Variants in GPER1 observed in about 807,000 individuals in gnomAD.
GPER1 encodes the protein G protein-coupled estrogen receptor 1, also known as G protein-coupled receptor 30.
A neutral mutation model predicts 0.6 loss-of-function variants in GPER1; 2 were observed. That is an observed-to-expected ratio of 3.41 (90% CI 1.39 to 10.72). The LOEUF (loss-of-function observed/expected upper bound fraction) is 10.72. Among genes scored for constraint, GPER1 ranks in the 30% most tolerant of loss-of-function variants. The pLI, the probability that GPER1 is intolerant of heterozygous loss-of-function variation, is 0.04. For missense variants in GPER1, 441 were observed against 535.2 expected, an observed-to-expected ratio of 0.82 and a Z score of 1.74; for synonymous variants, 263 against 247.6, an observed-to-expected ratio of 1.06 and a Z score of -0.58.
rs774261850 is a variant in GPER1, at chr7:1,091,907, T to A, written c.179T>A (p.Phe60Tyr). The A allele has an allele frequency of 1.1e-5, 18 of 1,613,922 alleles. No individual in the cohort carries two copies. The highest frequency in any genetic ancestry group is 2.2e-5 in the South Asian group (2 of 91,086). The part of the protein sequence containing the change: ...SEHQQYVIGL[F>Y]LSCLYTIFLF... ...CACCAGCAGTACGTGATCGGCCTGT[T>A]CCTCTCGTGCCTCTACACCATCTTC... The change falls in exon 2 of 2, where the codon TTC (phenylalanine) becomes TAC (tyrosine). Residue 60 changes from phenylalanine to tyrosine, a missense_variant. Transcript: ENST00000397088.
chr7:1,093,808 G>A lies in GPER1; in HGVS notation c.*952G>A, dbSNP rs1421992898. The A allele has an allele frequency of 1.7e-5, 7 of 404,288 alleles. No individual in the cohort carries two copies. The highest frequency in any genetic ancestry group is 8.1e-5 in the Admixed American group (3 of 36,900). 25.0% of individuals were successfully genotyped at this position (404,288 alleles called of 1,614,324 possible). ...CTTTGTCAATAAACCTGTCATGTGC[G>A]GATCCTTCCGGAGGCTCTGTCTTGG... On this transcript the variant is annotated 3_prime_UTR_variant, in exon 2 of 2. Coordinates refer to ENST00000397088, the MANE Select transcript of GPER1 (RefSeq NM_001098201.3).
At position 1,091,552 on chromosome 7, in the gene GPER1, G is replaced by A; in HGVS notation, c.-177G>A. 1 of 609,054 alleles carries A rather than the reference G, an allele frequency of 1.6e-6. No individual in the cohort carries two copies. The allele number at this position is 609,054 out of a possible 1,614,324, so 37.7% of individuals were successfully genotyped here. On this transcript the variant is annotated 5_prime_UTR_variant, in exon 2 of 2. Transcript: ENST00000397088. ...GGAGCATCTGTTCTTCCCACTCTCT[G>A]CAGTTAACAAACCCAACCCAAACCA...
chr7:1,092,684 T>C lies in GPER1; in HGVS notation c.956T>C (p.Leu319Pro). The C allele has an allele frequency of 6.2e-7, 1 of 1,613,354 alleles. No homozygotes were observed. Among genetic ancestry groups the C allele is most frequent in the East Asian group, 2.2e-5 (1 of 44,884 alleles). Residue 319 changes from leucine (L) to proline (P), a missense_variant, in exon 2 of 2, where the codon CTA (leucine) becomes CCA (proline). Physicochemically the swap from Leu to Pro is moderately conservative, Grantham distance 98 (BLOSUM62 -3). Coordinates refer to ENST00000397088, the MANE Select transcript of GPER1 (RefSeq NM_001098201.3). Reference sequence around the variant, plus strand: ...CTCGCCGCCTTCTCCAACAGCTGCCTAAACCCCCTCATCTACAGCTTTCTC... The same window carrying C: ...CTCGCCGCCTTCTCCAACAGCTGCCCAAACCCCCTCATCTACAGCTTTCTC... Reference protein sequence around the residue: ...VNLAAFSNSCLNPLIYSFLGE... With the variant: ...VNLAAFSNSCPNPLIYSFLGE...
chr7:1,088,137 C>G lies in GPER1; in HGVS notation c.-507C>G, dbSNP rs1015833625. 1 of 152,432 alleles carries G rather than the reference C, an allele frequency of 6.6e-6. No homozygotes were observed. The highest frequency in any genetic ancestry group is 1.5e-5 in the Non-Finnish European group (1 of 68,096). The allele number at this position is 152,432 out of a possible 1,614,324, so 9.4% of individuals were successfully genotyped here. A position where few individuals can be genotyped will look rare whatever the true frequency, so the allele number is the denominator to read the frequency against. ...CACTGGCTCAGAGGGAGGACGCACC[C>G]GCCAGCCAGCCGGGAACCTTCCCTC... is the stretch of plus-strand genomic sequence containing the variant. On this transcript the variant is annotated 5_prime_UTR_variant, in exon 1 of 2. Coordinates refer to ENST00000397088, the MANE Select transcript of GPER1 (RefSeq NM_001098201.3). The surrounding 1 kb of genome is among the most constrained non-coding windows in gnomAD (Gnocchi z 4.5).
At chr7:1,088,109 A>C (rs1328040439), upstream of GPER1, 1 of 152,270 alleles carries the variant, frequency 6.6e-6, no homozygotes, top group African/African-American at 2.4e-5. This position sits in a 1 kb window ranked among gnomAD's most constrained non-coding sequence, Gnocchi z 4.5. Context: ...CAAGGGGCAG[A>C]CTCACTGGCT....
chr7:1,089,509 G>A (rs1201819759), intron 1 of GPER1, among the ~76,000 whole-genome samples: 1 of 150,652 alleles, frequency 6.6e-6, no homozygotes, highest in Non-Finnish European at 1.5e-5. Context: ...ACCTCTACCT[G>A]CCAGGCTCAG....
At chr7:1,087,904 T>C (rs143383146), upstream of GPER1, among the ~76,000 whole-genome samples, 680 of 152,276 alleles carry the variant, frequency 4.5e-3, 5 homozygotes, top group African/African-American at 0.015. Flanking sequence ...TTTGTATCTG[T>C]GGGTGAAGAA....
Position 1,093,417 on chromosome 7 carries a change from G to T in GPER1, c.*561G>T, listed in dbSNP as rs1042332309. Reference sequence around the variant, plus strand: ...GAGAAGGAAAACATGCTGCTCTGGTGCACGCCTGAGCGTCCTCCATCTTCC... The same window carrying T: ...GAGAAGGAAAACATGCTGCTCTGGTTCACGCCTGAGCGTCCTCCATCTTCC... On this transcript the variant is annotated 3_prime_UTR_variant, in exon 2 of 2. Transcript: ENST00000397088. 4.3e-6 allele frequency: 2 copies of T among 460,380 alleles called. No individual in the cohort carries two copies. Among genetic ancestry groups the T allele is most frequent in the Non-Finnish European group, 9.1e-6 (2 of 220,194 alleles). The allele number at this position is 460,380 out of a possible 1,614,324, so 28.5% of individuals were successfully genotyped here. A position where few individuals can be genotyped will look rare whatever the true frequency, so the allele number is the denominator to read the frequency against.
chr7:1,087,245 G>A (rs1260266053), upstream of GPER1: 4 of 152,244 alleles, frequency 2.6e-5, no homozygotes, highest in Admixed American at 1.3e-4. Context: ...TGGACGGCAG[G>A]TAAGTTCCGA....
In GPER1 at chr7:1,088,534, T is replaced by G. The variant is rs1003204194; in HGVS notation, c.-323+213T>G. On this transcript the variant is annotated intron_variant, in intron 1 of 1. Transcript: ENST00000397088. The surrounding 1 kb of genome is among the most constrained non-coding windows in gnomAD (Gnocchi z 4.5). ...TCTCAGCGTGACCGCAGCAGGGGCTTTGCCTGGACGGCCTTTCTAACTCGT... is the reference window on the plus strand; with the variant it reads ...TCTCAGCGTGACCGCAGCAGGGGCTGTGCCTGGACGGCCTTTCTAACTCGT... Among the ~76,000 whole-genome samples the G allele has an allele frequency of 3.9e-5, 6 of 152,150 alleles. No homozygotes were observed. Among genetic ancestry groups the G allele is most frequent in the African/African-American group, 1.4e-4 (6 of 41,440 alleles).
chr7:1,093,318 G>A lies in GPER1; in HGVS notation c.*462G>A. 2.4e-6 allele frequency: 1 copy of A among 425,188 alleles called. No individual in the cohort carries two copies. 26.3% of individuals were successfully genotyped at this position (425,188 alleles called of 1,614,324 possible). A position where few individuals can be genotyped will look rare whatever the true frequency, so the allele number is the denominator to read the frequency against. The stretch of plus-strand genomic sequence containing the variant: ...CGCTGGAGATGCAAGGTGCTGGTGG[G>A]TCTGAGCTGGACGTCGCGGTGTGTC... On this transcript the variant is annotated 3_prime_UTR_variant, in exon 2 of 2. Transcript: ENST00000397088.
Position 1,093,104 on chromosome 7 carries a change from A to G in GPER1, c.*248A>G, listed in dbSNP as rs1583798457. On this transcript the variant is annotated 3_prime_UTR_variant, in exon 2 of 2. Transcript: ENST00000397088. ...AAAGCGCTCGCCCCGCAGGGTCCAA[A>G]GGCCAGCGGTGACCAGCCTGTCACC... 9 of 661,476 alleles carry G rather than the reference A, an allele frequency of 1.4e-5. No homozygotes were observed. The East Asian group carries it at 2.8e-4, about 20-fold the overall frequency. The allele number at this position is 661,476 out of a possible 1,614,324, so 41.0% of individuals were successfully genotyped here. A position where few individuals can be genotyped will look rare whatever the true frequency, so the allele number is the denominator to read the frequency against.
rs747021854 is a variant in GPER1 at position 1,092,130 on chromosome 7, G to A, written c.402G>A (p.Ser134=). 5 of 1,613,576 alleles carry A rather than the reference G, an allele frequency of 3.1e-6. No homozygotes were observed. The highest frequency in any genetic ancestry group is 3.4e-6 in the Non-Finnish European group (4 of 1,180,036). The change falls in exon 2 of 2, where the codon TCG becomes TCA. Residue 134 remains serine (S), a synonymous_variant. Coordinates refer to ENST00000397088, the MANE Select transcript of GPER1 (RefSeq NM_001098201.3). The part of the protein sequence containing the change: ...YDIAVLCTFM[S]LFLQVNMYSS... ...TCGCCGTCCTGTGCACCTTCATGTC[G>A]CTCTTCCTGCAGGTCAACATGTACA...
rs543497155 is a variant in GPER1 at position 1,088,775 on chromosome 7, A to G, written c.-323+454A>G. On this transcript the variant is annotated intron_variant, in intron 1 of 1. Transcript: ENST00000397088. The surrounding 1 kb of genome is among the most constrained non-coding windows in gnomAD (Gnocchi z 4.5). ...TATTTCTCTATGACAAGCAGAGGAAATCTGAAATGAGGTATTGCACTGTTT... is the reference window on the plus strand; with the variant it reads ...TATTTCTCTATGACAAGCAGAGGAAGTCTGAAATGAGGTATTGCACTGTTT... 6.6e-6 allele frequency among the ~76,000 whole-genome samples: 1 copy of G among 152,238 alleles called. No individual in the cohort carries two copies. The highest frequency in any genetic ancestry group is 2.1e-4 in the South Asian group (1 of 4,820).
At position 1,088,200 on chromosome 7, in the gene GPER1, C is replaced by G. The variant is rs922968733; in HGVS notation, c.-444C>G. ...GGCGGGTCTCTTCCTCTCTCTAGCC[C>G]TGCTCAGGCATTCGGCAGGTCCAGC... On this transcript the variant is annotated 5_prime_UTR_variant, in exon 1 of 2. Transcript: ENST00000397088. This position sits in a 1 kb window ranked among gnomAD's most constrained non-coding sequence, Gnocchi z 4.5. 4.6e-5 allele frequency: 7 copies of G among 152,306 alleles called. No homozygotes were observed. The highest frequency in any genetic ancestry group is 1.7e-4 in the African/African-American group (7 of 41,480). 9.4% of individuals were successfully genotyped at this position (152,306 alleles called of 1,614,324 possible). A position where few individuals can be genotyped will look rare whatever the true frequency, so the allele number is the denominator to read the frequency against.
chr7:1,093,174 G>T lies in GPER1; in HGVS notation c.*318G>T. ...CTGCCTGCCGCTGCACCTGCCTGCC[G>T]CTGCAGGAAACATTTCTGACACCGT... On this transcript the variant is annotated 3_prime_UTR_variant, in exon 2 of 2. Coordinates refer to ENST00000397088, the MANE Select transcript of GPER1 (RefSeq NM_001098201.3). The T allele has an allele frequency of 1.8e-6, 1 of 564,838 alleles. No individual in the cohort carries two copies. Among genetic ancestry groups the T allele is most frequent in the Non-Finnish European group, 3.5e-6 (1 of 288,356 alleles). The allele number at this position is 564,838 out of a possible 1,614,324, so 35.0% of individuals were successfully genotyped here.
rs753883164 is a variant in GPER1, at chr7:1,093,685, T to G, written c.*829T>G. 2.3e-5 allele frequency: 11 copies of G among 469,526 alleles called. No homozygotes were observed. Among genetic ancestry groups the G allele is most frequent in the Admixed American group, 1.6e-4 (7 of 42,540 alleles). The allele number at this position is 469,526 out of a possible 1,614,324, so 29.1% of individuals were successfully genotyped here. The stretch of plus-strand genomic sequence containing the variant: ...CTCCAGCACCTGTGGCTGACGAATT[T>G]GTTTCTACAGAAATAACAGCTGGGG... On this transcript the variant is annotated 3_prime_UTR_variant, in exon 2 of 2. Coordinates refer to ENST00000397088, the MANE Select transcript of GPER1 (RefSeq NM_001098201.3).
In GPER1 at chr7:1,092,637, C is replaced by G; in HGVS notation, c.909C>G (p.Pro303=). Residue 303 remains proline (P), a synonymous_variant, in exon 2 of 2, where the codon CCC becomes CCG. Coordinates refer to ENST00000397088, the MANE Select transcript of GPER1 (RefSeq NM_001098201.3). ...PCKQSFRHAH[P]LTGHIVNLAA... Reference sequence around the variant, plus strand: ...AGCAGTCTTTCCGCCATGCCCACCCCCTCACGGGCCACATTGTCAACCTCG... The same window carrying G: ...AGCAGTCTTTCCGCCATGCCCACCCGCTCACGGGCCACATTGTCAACCTCG... 6.2e-7 allele frequency: 1 copy of G among 1,612,742 alleles called. No individual in the cohort carries two copies. The highest frequency in any genetic ancestry group is 8.5e-7 in the Non-Finnish European group (1 of 1,179,966).
At position 1,092,922 on chromosome 7, in the gene GPER1, A is replaced by G. The variant is rs1323303144; in HGVS notation, c.*66A>G. 1 of 1,439,440 alleles carries G rather than the reference A, an allele frequency of 6.9e-7. No individual in the cohort carries two copies. Among genetic ancestry groups the G allele is most frequent in the African/African-American group, 1.4e-5 (1 of 71,742 alleles). The allele number at this position is 1,439,440 out of a possible 1,614,324, so 89.2% of individuals were successfully genotyped here. On this transcript the variant is annotated 3_prime_UTR_variant, in exon 2 of 2. Coordinates refer to ENST00000397088, the MANE Select transcript of GPER1 (RefSeq NM_001098201.3). ...GAGCTGCACACACCTGGGTGGACAC[A>G]AGGCACGGCCACGTCATGTCTCTAA...
Sources: allele counts gnomAD v4.1 joint callset (sites outside exome capture counted in the v4.1 genomes callset), GRCh38; gene constraint gnomAD v4.1.1; non-coding constraint Gnocchi (gnomAD v3.1); transcripts MANE v1.5; gene names NCBI Gene and HGNC (gene_info 2026-07-23, HGNC 2026-07-21).